Variants in DHX57 observed in about 807,000 individuals in gnomAD.
DHX57 encodes putative ATP-dependent RNA helicase DHX57.
In DHX57, 105 loss-of-function variants were observed where a neutral mutation model predicts 156.2. The ratio of observed to expected loss-of-function variants is 0.67; its 90% CI spans 0.57 to 0.79. DHX57 has a LOEUF of 0.79. Ranked by LOEUF, DHX57 falls within the 30% of genes least tolerant of loss-of-function variation. DHX57 has a pLI of 0.00. For missense variants in DHX57, 1,847 were observed against 1,661.9 expected (o/e 1.11, Z -1.94); for synonymous variants, 704 against 595.6 (o/e 1.18, Z -2.65).
At position 38,866,564 on chromosome 2, in the gene DHX57, G is replaced by C. The variant is rs139565479; in HGVS notation, c.224+1618C>G. Among the ~76,000 whole-genome samples the C allele has an allele frequency of 3.9e-3, 600 of 152,184 alleles. 5 individuals are homozygous for C. The highest frequency in any genetic ancestry group is 0.014 in the African/African-American group (573 of 41,508). On this transcript the variant is annotated intron_variant, in intron 2 of 23. Transcript: ENST00000457308. Reference sequence around the variant, plus strand: ...CGGCACCTGGTAATGTTATACATTTGTTTATGGTTTTTCTATCTCAAATCC... The same window carrying C: ...CGGCACCTGGTAATGTTATACATTTCTTTATGGTTTTTCTATCTCAAATCC...
chr2:38,826,906 G>A (rs3099980), intron 14 of DHX57, among the ~76,000 whole-genome samples: 35,933 of 152,014 alleles, frequency 0.24, 4,427 homozygotes, highest in Admixed American at 0.28. Context: ...TGAGGCAGGC[G>A]GATCACCCGA....
At chr2:38,811,512 C>T in intron 21 of DHX57, 3 of 923,676 alleles carry the variant, frequency 3.2e-6, no homozygotes, top group Non-Finnish European at 5.2e-6. Context: ...TGCCTTCTTC[C>T]TGGCTTCCTT....
rs1406445732 is a variant in DHX57, at chr2:38,860,981, GA to G, written c.1411+17del. On this transcript the variant is annotated intron_variant, in intron 5 of 23. Transcript: ENST00000457308. ...TCATTCTGAATGCCTCCCTCCACAAGATCAATGCCTTACATACCTTCTGGAA... is the reference window on the plus strand; with the variant it reads ...TCATTCTGAATGCCTCCCTCCACAAGTCAATGCCTTACATACCTTCTGGAA... 22 of 1,599,980 alleles carry G rather than the reference GA, an allele frequency of 1.4e-5. No homozygotes were observed. The highest frequency in any genetic ancestry group is 1.9e-5 in the Non-Finnish European group (22 of 1,170,564).
intron 13 of DHX57, among the ~76,000 whole-genome samples, chr2:38,829,021 G>C (rs775346322): frequency 7.3e-5 from 11 of 151,324 alleles, no homozygotes; most frequent in Admixed American, 2.0e-4. Flanking sequence ...GCTCACTGCA[G>C]CCTCAACCTC....
At chr2:38,806,845 G>A in intron 21 of DHX57, 152 bp from the exon 22 acceptor site, 1 of 769,574 alleles carries the variant, frequency 1.3e-6, no homozygotes, top group Admixed American at 3.3e-5. Flanking sequence ...GTTTCCTTCT[G>A]AAAGCAGAAC....
At chr2:38,800,251 T>C (rs1177960280) in intron 23 of DHX57, among the ~76,000 whole-genome samples, 1 of 146,866 alleles carries the variant, frequency 6.8e-6, no homozygotes, top group Non-Finnish European at 1.5e-5. Context: ...CTACTCAGGA[T>C]GCTGAGGCAG....
chr2:38,849,157 T>A (rs1190573937), intron 9 of DHX57, among the ~76,000 whole-genome samples: 1 of 152,198 alleles, frequency 6.6e-6, no homozygotes, highest in Non-Finnish European at 1.5e-5. Flanking sequence ...TACCCAAATG[T>A]CCATCAACTA....
intron 1 of DHX57, 47 bp from the exon 2 acceptor site, chr2:38,868,458 A>G (rs767193257): frequency 7.0e-6 from 11 of 1,571,810 alleles, no homozygotes; most frequent in African/African-American, 1.4e-5. Context: ...CCAGACATGT[A>G]TGATAATCCT....
chr2:38,852,577 C>A (rs1351585727), intron 9 of DHX57, among the ~76,000 whole-genome samples: 3 of 151,178 alleles, frequency 2.0e-5, no homozygotes, highest in Non-Finnish European at 4.4e-5. Context: ...CCTGGCCCTC[C>A]TCAGTACTTA....
At chr2:38,830,396 G>A (rs540882534) in intron 13 of DHX57, among the ~76,000 whole-genome samples, 1 of 152,184 alleles carries the variant, frequency 6.6e-6, no homozygotes, top group South Asian at 2.1e-4. Context: ...AGGAGGCTGA[G>A]GTGGGTGGAT....
chr2:38,866,715 GAACCT>G (rs1420723242), intron 2 of DHX57, among the ~76,000 whole-genome samples: 1 of 152,172 alleles, frequency 6.6e-6, no homozygotes, highest in African/African-American at 2.4e-5. Flanking sequence ...CGGACTCCAA[GAACCT>G]ATAATGTCCA....
At chr2:38,835,646 A>T (rs559093098) in intron 13 of DHX57, among the ~76,000 whole-genome samples, 2 of 152,344 alleles carry the variant, frequency 1.3e-5, no homozygotes, top group South Asian at 4.1e-4. Context: ...CAGGTACTCT[A>T]TGGAAAGGAC....
At chr2:38,832,205 C>T (rs1013071796) in intron 13 of DHX57, among the ~76,000 whole-genome samples, 2 of 152,124 alleles carry the variant, frequency 1.3e-5, no homozygotes, top group African/African-American at 4.8e-5. Context: ...CTATGGGAGG[C>T]CAACACGGGC....
chr2:38,857,701 G>C (rs968040682), intron 6 of DHX57, among the ~76,000 whole-genome samples: 1 of 152,146 alleles, frequency 6.6e-6, no homozygotes, highest in Non-Finnish European at 1.5e-5. Context: ...TTGCCCTCAG[G>C]ATTCACTTAT....
At chr2:38,800,074 A>T (rs538487235) in intron 23 of DHX57, among the ~76,000 whole-genome samples, 1 of 151,760 alleles carries the variant, frequency 6.6e-6, no homozygotes, top group East Asian at 2.0e-4. Context: ...AATCCCAGCT[A>T]CTTGGGAGGG....
intron 11 of DHX57, among the ~76,000 whole-genome samples, chr2:38,846,656 G>A (rs1030745391): frequency 2.0e-5 from 3 of 151,524 alleles, no homozygotes; most frequent in African/African-American, 7.3e-5. Flanking sequence ...GTAAGTAGAG[G>A]GACTTAAATA....
At chr2:38,817,968 G>C (rs181749159) in intron 19 of DHX57, among the ~76,000 whole-genome samples, 11 of 152,196 alleles carry the variant, frequency 7.2e-5, no homozygotes, top group African/African-American at 2.6e-4. Context: ...TGGGATTACA[G>C]GTATGAGCCA....
intron 5 of DHX57, 100 bp downstream of exon 5, chr2:38,860,899 G>C: frequency 9.6e-7 from 1 of 1,037,982 alleles, no homozygotes; most frequent in Non-Finnish European, 1.4e-6. Flanking sequence ...TGTTCAGCTT[G>C]TTCAAGATCA....
intron 22 of DHX57, among the ~76,000 whole-genome samples, chr2:38,803,962 A>G (rs1424681637): frequency 2.6e-5 from 4 of 151,614 alleles, no homozygotes; most frequent in Admixed American, 1.3e-4. Flanking sequence ...TTGTATTTTT[A>G]GTAGAGATGG....
Sources: gnomAD v4.1 joint callset for allele counts (sites outside exome capture counted in the v4.1 genomes callset) on GRCh38, gnomAD v4.1.1 for gene constraint, MANE v1.5 for transcripts, NCBI Gene and HGNC (gene_info 2026-07-23, HGNC 2026-07-21) for gene names.